SLMAP: variants seen among roughly 807,000 people sequenced by gnomAD.
SLMAP encodes sarcolemma associated protein, also known as sarcolemmal membrane-associated protein.
Under a neutral mutation model 128.8 loss-of-function variants are expected in SLMAP, and 44 were observed. The observed-to-expected ratio is 0.34, with a 90% CI of 0.27 to 0.44. SLMAP has a LOEUF of 0.44. SLMAP is among the 20% of genes least tolerant of loss of function. The pLI is 1.00. For missense variants in SLMAP, 787 were observed against 985.3 expected (o/e 0.80, Z 2.69); for synonymous variants, 327 against 348.8 (o/e 0.94, Z 0.70).
intron 2 of SLMAP, among the ~76,000 whole-genome samples, chr3:57,810,017 C>G (rs2090656330): frequency 6.6e-6 from 1 of 152,162 alleles, no homozygotes; most frequent in African/African-American, 2.4e-5. Context: ...GAGAGAAGAG[C>G]TGCAGCCCTT....
intron 21 of SLMAP, among the ~76,000 whole-genome samples, chr3:57,915,078 G>T (rs1392735921): frequency 6.6e-6 from 1 of 151,836 alleles, no homozygotes; most frequent in African/African-American, 2.4e-5. Context: ...TAGAGAGGGG[G>T]TTTCACCATG....
At chr3:57,867,605 G>A (rs975652239) in intron 13 of SLMAP, among the ~76,000 whole-genome samples, 1 of 152,050 alleles carries the variant, frequency 6.6e-6, no homozygotes, top group Non-Finnish European at 1.5e-5. Context: ...AGATGTACAC[G>A]AAAACTTAGT....
intron 14 of SLMAP, among the ~76,000 whole-genome samples, chr3:57,879,389 C>T (rs2095674004): frequency 6.6e-6 from 1 of 152,156 alleles, no homozygotes; most frequent in Non-Finnish European, 1.5e-5. Flanking sequence ...AGGTTCCCTA[C>T]AGAGATGCCT....
At position 57,830,073 on chromosome 3, in the gene SLMAP, T is replaced by G. The variant is rs1279353284; in HGVS notation, c.199-1310T>G. ...TTTTTGAGATGGAGTCTCGCTCTGT[T>G]GTCCAGGCTGGAGTGCAGGGGCACG... On this transcript the variant is annotated intron_variant, in intron 2 of 24. Transcript: ENST00000671191. Among the ~76,000 whole-genome samples the G allele has an allele frequency of 3.3e-5, 5 of 152,364 alleles. No individual in the cohort carries two copies. In the East Asian group the frequency reaches 7.7e-4, roughly 23 times the overall value.
chr3:57,922,718 C>T (rs572209716), intron 22 of SLMAP, among the ~76,000 whole-genome samples, 171 bp from the exon 23 acceptor site: 46 of 152,278 alleles, frequency 3.0e-4, no homozygotes, highest in Admixed American at 4.6e-4. Context: ...TGAGCCACTG[C>T]GCCCGGCCAA....
chr3:57,772,904 T>A (rs747209815), intron 2 of SLMAP, among the ~76,000 whole-genome samples: 19 of 152,136 alleles, frequency 1.2e-4, no homozygotes, highest in Admixed American at 2.6e-4. Flanking sequence ...CCTCCCAAAG[T>A]GCTGGGATTA....
Position 57,912,694 on chromosome 3 carries a change from G to T in SLMAP, c.2013G>T (p.Arg671Ser), listed in dbSNP as rs769161235. 9 of 1,605,898 alleles carry T rather than the reference G, an allele frequency of 5.6e-6. No individual in the cohort carries two copies. The East Asian group carries it at 1.3e-4, about 24-fold the overall frequency. The part of the protein sequence containing the change: ...CEDQQREEAT[R>S]LQGELEKLRK... ...ACCAGCAGAGAGAAGAAGCAACAAG[G>T]TTGCAAGGTGAATAAATGTATTTTA... Residue 671 changes from arginine (R) to serine (S), a missense_variant, in exon 20 of 25, where the codon AGG becomes AGT. Arg to Ser is a moderately radical substitution (Grantham distance 110). Transcript: ENST00000671191.
At chr3:57,881,013 A>G (rs761024298) in intron 14 of SLMAP, among the ~76,000 whole-genome samples, 4 of 151,946 alleles carry the variant, frequency 2.6e-5, no homozygotes, top group Non-Finnish European at 5.9e-5. Flanking sequence ...AACATGGTGA[A>G]TGAAACCCCA....
chr3:57,826,258 G>A (rs1047282096), intron 2 of SLMAP, among the ~76,000 whole-genome samples: 2 of 151,870 alleles, frequency 1.3e-5, no homozygotes, highest in African/African-American at 4.8e-5. Context: ...TTTTTCTAAT[G>A]TCTTTTAGCT....
At chr3:57,882,032 T>C (rs539753083) in intron 14 of SLMAP, among the ~76,000 whole-genome samples, 2 of 152,240 alleles carry the variant, frequency 1.3e-5, no homozygotes, top group South Asian at 4.1e-4. Context: ...AATAAATAAA[T>C]GCAGCTAATC....
At chr3:57,885,423 G>GTT (rs71091314) in intron 14 of SLMAP, among the ~76,000 whole-genome samples, 1,720 of 135,246 alleles carry the variant, frequency 0.013, 16 homozygotes, top group South Asian at 0.023. Context: ...TTGTTTTTGT[G>GTT]TTTTTTTTTT....
chr3:57,786,977 C>A (rs940901413), intron 2 of SLMAP, among the ~76,000 whole-genome samples: 1 of 152,080 alleles, frequency 6.6e-6, no homozygotes, highest in Non-Finnish European at 1.5e-5. Context: ...ACCTTGTGAT[C>A]CGCCCGCCTC....
At chr3:57,758,031 T>A (rs142945026) in intron 2 of SLMAP, among the ~76,000 whole-genome samples, 182 bp downstream of exon 2, 82 of 152,264 alleles carry the variant, frequency 5.4e-4, no homozygotes, top group Admixed American at 1.0e-3. Flanking sequence ...GGTGGTTGAA[T>A]GGAAAACAGA....
intron 2 of SLMAP, among the ~76,000 whole-genome samples, chr3:57,761,324 T>C (rs1464392353): frequency 3.3e-5 from 5 of 151,796 alleles, no homozygotes; most frequent in African/African-American, 4.8e-5. Context: ...AGACGGAGTC[T>C]GGCTCTGTCA....
At position 57,917,009 on chromosome 3, in the gene SLMAP, C is replaced by G; in HGVS notation, c.2242C>G (p.Arg748Gly). 1 of 1,613,840 alleles carries G rather than the reference C, an allele frequency of 6.2e-7. No individual in the cohort carries two copies. Among genetic ancestry groups the G allele is most frequent in the South Asian group, 1.1e-5 (1 of 91,068 alleles). The change falls in exon 22 of 25, where the codon CGG (arginine) becomes GGG (glycine). Residue 748 changes from arginine (R) to glycine (G), a missense_variant. Around this residue, in one of 2 missense-constraint regions of SLMAP, gnomAD observed 715 missense variants for 843.6 expected, o/e 0.85. Coordinates refer to ENST00000671191, the MANE Select transcript of SLMAP (RefSeq NM_001377540.1). ...GGGATCCTTGAAAGAACAGCATCTT[C>G]GGGATTCAGCTGATTTAAAAACTCT... ...QVGSLKEQHL[R>G]DSADLKTLLS...
At chr3:57,774,698 C>A (rs6790253) in intron 2 of SLMAP, among the ~76,000 whole-genome samples, 8 of 151,580 alleles carry the variant, frequency 5.3e-5, no homozygotes, top group Non-Finnish European at 5.9e-5. Flanking sequence ...CTAATTTTTG[C>A]GTTTTTAGTA....
intron 14 of SLMAP, among the ~76,000 whole-genome samples, chr3:57,881,476 G>T (rs2095741550): frequency 6.6e-6 from 1 of 152,058 alleles, no homozygotes. Context: ...ATTATTTTTT[G>T]AGACGGAGTC....
At chr3:57,764,781 T>TA (rs2079349193) in intron 2 of SLMAP, among the ~76,000 whole-genome samples, 1 of 152,162 alleles carries the variant, frequency 6.6e-6, no homozygotes, top group African/African-American at 2.4e-5. Flanking sequence ...AGAATTGAGA[T>TA]TTAAACTCAA....
chr3:57,865,799 C>A (rs79359034), intron 13 of SLMAP, among the ~76,000 whole-genome samples: 1 of 152,174 alleles, frequency 6.6e-6, no homozygotes, highest in African/African-American at 2.4e-5. Context: ...TGTGACCCTT[C>A]TTTCTGGACA....
Sources: allele counts gnomAD v4.1 joint callset (sites outside exome capture counted in the v4.1 genomes callset), GRCh38; gene constraint gnomAD v4.1.1; regional missense constraint gnomAD v4.1.1; transcripts MANE v1.5; gene names NCBI Gene and HGNC (gene_info 2026-07-23, HGNC 2026-07-21).